LMX1A: variants seen among roughly 807,000 people sequenced by gnomAD.
The protein encoded by LMX1A is LIM homeobox transcription factor 1-alpha.
In LMX1A, 15 loss-of-function variants were observed where a neutral mutation model predicts 49.1. The ratio of observed to expected loss-of-function variants is 0.31; its 90% CI spans 0.20 to 0.47. LMX1A has a LOEUF of 0.47. Ranked by LOEUF, LMX1A falls within the 20% of genes least tolerant of loss-of-function variation. LMX1A has a pLI of 1.00. For missense variants in LMX1A, 372 were observed against 475.8 expected, an observed-to-expected ratio of 0.78 and a Z score of 2.03; for synonymous variants, 167 against 185.7, an observed-to-expected ratio of 0.90 and a Z score of 0.82.
intron 4 of LMX1A, among the ~76,000 whole-genome samples, chr1:165,242,708 C>G (rs1652697206): frequency 6.7e-6 from 1 of 150,370 alleles, no homozygotes; most frequent in African/African-American, 2.4e-5. Flanking sequence ...AACCCCATCT[C>G]TACTAAAAAT....
intron 4 of LMX1A, among the ~76,000 whole-genome samples, chr1:165,232,840 A>G (rs1018260535): frequency 6.6e-6 from 1 of 152,126 alleles, no homozygotes; most frequent in African/African-American, 2.4e-5. Context: ...TCCTTGCATC[A>G]CTGTCAAGCA....
intron 4 of LMX1A, among the ~76,000 whole-genome samples, chr1:165,228,518 T>C (rs1338666077): frequency 6.6e-6 from 1 of 152,214 alleles, no homozygotes; most frequent in South Asian, 2.1e-4. Flanking sequence ...GATTTAGTTC[T>C]TCAGGGTGAC....
chr1:165,225,740 T>C (rs190559475), intron 4 of LMX1A, among the ~76,000 whole-genome samples: 1 of 152,230 alleles, frequency 6.6e-6, no homozygotes, highest in African/African-American at 2.4e-5. Context: ...TGACTTTCTC[T>C]TTCTACCCAT....
chr1:165,253,921 T>A (rs946455633), intron 3 of LMX1A, among the ~76,000 whole-genome samples: 3 of 152,052 alleles, frequency 2.0e-5, no homozygotes, highest in Admixed American at 1.3e-4. Flanking sequence ...TGACTCCCTC[T>A]CCCCTATGCT....
intron 3 of LMX1A, among the ~76,000 whole-genome samples, chr1:165,333,902 A>G (rs1231483818): frequency 6.6e-6 from 1 of 152,226 alleles, no homozygotes; most frequent in Non-Finnish European, 1.5e-5. Context: ...AAATATTAAT[A>G]AGAACTCACA....
chr1:165,345,259 T>A (rs1656203290), intron 3 of LMX1A, among the ~76,000 whole-genome samples: 1 of 152,210 alleles, frequency 6.6e-6, no homozygotes, highest in Admixed American at 6.5e-5. Context: ...AAGGCGTGGC[T>A]GCTGTGCAAC....
chr1:165,209,133 A>G (rs2102597853), intron 6 of LMX1A, among the ~76,000 whole-genome samples: 1 of 152,330 alleles, frequency 6.6e-6, no homozygotes, highest in African/African-American at 2.4e-5. Flanking sequence ...GTGCTTTATG[A>G]ATCCATAGGC....
intron 4 of LMX1A, among the ~76,000 whole-genome samples, chr1:165,214,439 C>A (rs772230007): frequency 6.6e-6 from 1 of 152,172 alleles, no homozygotes; most frequent in Non-Finnish European, 1.5e-5. Context: ...TGTACTAATA[C>A]AGGCAAGTTA....
At chr1:165,254,807 C>A (rs970169163) in intron 3 of LMX1A, among the ~76,000 whole-genome samples, 5 of 152,180 alleles carry the variant, frequency 3.3e-5, no homozygotes, top group African/African-American at 1.2e-4. Flanking sequence ...TGTGCCCTGG[C>A]AAGCTGGAAA....
intron 3 of LMX1A, among the ~76,000 whole-genome samples, chr1:165,350,445 C>A (rs754474437): frequency 1.3e-5 from 2 of 152,168 alleles, no homozygotes; most frequent in Non-Finnish European, 2.9e-5. Context: ...GGCTCTGAGA[C>A]TTTTTCTCAT....
At chr1:165,232,128 C>T (rs1444011854) in intron 4 of LMX1A, among the ~76,000 whole-genome samples, 1 of 152,186 alleles carries the variant, frequency 6.6e-6, no homozygotes, top group African/African-American at 2.4e-5. Context: ...GCCTCAAGGT[C>T]CACAGAGCAG....
At chr1:165,289,015 A>G (rs963726460) in intron 3 of LMX1A, among the ~76,000 whole-genome samples, 4 of 152,206 alleles carry the variant, frequency 2.6e-5, no homozygotes, top group African/African-American at 9.6e-5. Flanking sequence ...AGGCAGAGCA[A>G]ACAGACTTCT....
intron 3 of LMX1A, among the ~76,000 whole-genome samples, chr1:165,263,680 C>G (rs1362645755): frequency 6.6e-6 from 1 of 152,202 alleles, no homozygotes; most frequent in East Asian, 1.9e-4. Context: ...CTACCTAAAT[C>G]AGATCATGCC....
chr1:165,296,716 C>G lies in LMX1A; in HGVS notation c.264-47076G>C, dbSNP rs1398309618. Among the ~76,000 whole-genome samples, 3 of 152,260 alleles carry G rather than the reference C, an allele frequency of 2.0e-5. No individual in the cohort carries two copies. The East Asian group carries it at 5.8e-4, about 29-fold the overall frequency. ...CTGCCCCTTTTCCCTCTCACATCTG[C>G]TGTTTCTTGTGTGAATGAACAGATA... is the stretch of plus-strand genomic sequence containing the variant. On this transcript the variant is annotated intron_variant, in intron 3 of 8. Coordinates refer to ENST00000342310, the MANE Select transcript of LMX1A (RefSeq NM_177398.4).
At chr1:165,312,770 CTG>C (rs1267106452) in intron 3 of LMX1A, among the ~76,000 whole-genome samples, 1 of 152,240 alleles carries the variant, frequency 6.6e-6, no homozygotes, top group African/African-American at 2.4e-5. Flanking sequence ...GCAGCAGACA[CTG>C]TACCAAACAA....
chr1:165,355,340 G>C lies in LMX1A; in HGVS notation c.76+144C>G, dbSNP rs1656571417. On this transcript the variant is annotated intron_variant, in intron 2 of 8. Transcript: ENST00000342310. This position sits in a 1 kb window ranked among gnomAD's most constrained non-coding sequence, Gnocchi z 4.7. ...TAGGGACGACCCACAAGCACTGACG[G>C]ACAGATAGTGATGGGGCTCAATTTA... 2 of 747,232 alleles carry C rather than the reference G, an allele frequency of 2.7e-6. No individual in the cohort carries two copies. The highest frequency in any genetic ancestry group is 4.5e-6 in the Non-Finnish European group (2 of 448,046). 46.3% of individuals were successfully genotyped at this position (747,232 alleles called of 1,614,324 possible).
At chr1:165,269,179 A>G (rs566916050) in intron 3 of LMX1A, among the ~76,000 whole-genome samples, 1 of 152,288 alleles carries the variant, frequency 6.6e-6, no homozygotes, top group South Asian at 2.1e-4. Flanking sequence ...CAATTTGGAG[A>G]CTACCTCCAG....
intron 3 of LMX1A, among the ~76,000 whole-genome samples, chr1:165,268,632 G>T (rs925410869): frequency 3.9e-5 from 6 of 152,224 alleles, no homozygotes; most frequent in Admixed American, 3.3e-4. Flanking sequence ...GCACTGAAAG[G>T]TCTGGATTCG....
At chr1:165,232,182 C>G (rs900940302) in intron 4 of LMX1A, among the ~76,000 whole-genome samples, 1 of 152,158 alleles carries the variant, frequency 6.6e-6, no homozygotes, top group Non-Finnish European at 1.5e-5. Context: ...GCAAAGGGCC[C>G]CAGACCAGGG....
Sources: gnomAD v4.1 joint callset for allele counts (sites outside exome capture counted in the v4.1 genomes callset) on GRCh38, gnomAD v4.1.1 for gene constraint, Gnocchi (gnomAD v3.1) non-coding constraint, MANE v1.5 for transcripts, NCBI Gene and HGNC (gene_info 2026-07-23, HGNC 2026-07-21) for gene names.